Variants in TASP1 observed in about 807,000 individuals in gnomAD.
TASP1 encodes taspase 1.
A neutral mutation model predicts 56.6 loss-of-function variants in TASP1; 16 were observed. The observed-to-expected ratio is 0.28, with a 90% CI of 0.19 to 0.43. The LOEUF (loss-of-function observed/expected upper bound fraction) is 0.43. Among genes scored for constraint, TASP1 ranks in the 20% least tolerant of loss-of-function variants. The probability of loss-of-function intolerance (pLI) is 1.00; values close to 1 mark genes in which losing one functional copy is unlikely to be tolerated. For missense variants in TASP1, 393 were observed against 511.6 expected (o/e 0.77, Z 2.24); for synonymous variants, 179 against 184.2 (o/e 0.97, Z 0.23).
At chr20:13,395,215 G>A (rs1181594403) in intron 13 of TASP1, among the ~76,000 whole-genome samples, 5 of 152,190 alleles carry the variant, frequency 3.3e-5, no homozygotes, top group African/African-American at 1.2e-4. Context: ...GTATAGTGCT[G>A]CATTAATAAC....
the TASP1 span, among the ~76,000 whole-genome samples, chr20:13,140,447 G>A: frequency 7.9e-5 from 12 of 152,142 alleles, no homozygotes; most frequent in South Asian, 2.1e-4. Context: ...AACCAGGCAC[G>A]AGACTGAATT....
chr20:13,431,273 T>C (rs148683364), intron 12 of TASP1, among the ~76,000 whole-genome samples: 2 of 152,290 alleles, frequency 1.3e-5, no homozygotes, highest in African/African-American at 4.8e-5. Flanking sequence ...CATAAAGTCA[T>C]GGGAAGTCAT....
chr20:13,165,982 T>G, the TASP1 span: 2 of 152,494 alleles, frequency 1.3e-5, no homozygotes, highest in Non-Finnish European at 2.9e-5. Context: ...GCTCTCCTTC[T>G]CAACATGAAC....
intron 8 of TASP1, among the ~76,000 whole-genome samples, chr20:13,546,533 C>A (rs555241237): frequency 7.9e-5 from 12 of 152,288 alleles, no homozygotes; most frequent in African/African-American, 2.9e-4. Context: ...AGTCCCCTAG[C>A]CCCCCTGGAA....
chr20:13,169,976 AG>A, the TASP1 span, among the ~76,000 whole-genome samples: 1 of 152,226 alleles, frequency 6.6e-6, no homozygotes, highest in African/African-American at 2.4e-5. Flanking sequence ...AGGCATCAAA[AG>A]GAGTCAAATG....
intron 13 of TASP1, among the ~76,000 whole-genome samples, chr20:13,391,186 C>G (rs978837876): frequency 6.6e-6 from 1 of 152,090 alleles, no homozygotes; most frequent in Non-Finnish European, 1.5e-5. Context: ...GCCATTTCTC[C>G]TATAGTCTTT....
intron 1 of TASP1, among the ~76,000 whole-genome samples, chr20:13,631,510 T>G (rs6109983): frequency 0.49 from 73,899 of 152,018 alleles, 19,224 homozygotes; most frequent in African/African-American, 0.68. Flanking sequence ...TTGACAAAGT[T>G]GATTTAGTGG....
intron 13 of TASP1, among the ~76,000 whole-genome samples, chr20:13,407,407 T>G (rs2123693375): frequency 6.6e-6 from 1 of 152,374 alleles, no homozygotes; most frequent in Non-Finnish European, 1.5e-5. Flanking sequence ...ATATCTGCAC[T>G]TCATTCCTTT....
the TASP1 span, among the ~76,000 whole-genome samples, chr20:13,306,425 C>G: frequency 6.6e-6 from 1 of 152,198 alleles, no homozygotes; most frequent in Middle Eastern, 3.4e-3. Context: ...AATTTTTACA[C>G]CATTAGACAT....
At chr20:13,577,190 A>T (rs1211146807) in intron 6 of TASP1, among the ~76,000 whole-genome samples, 1 of 152,174 alleles carries the variant, frequency 6.6e-6, no homozygotes, top group Non-Finnish European at 1.5e-5. Flanking sequence ...AACTTTGGAA[A>T]GATTTTTTAA....
the TASP1 span, among the ~76,000 whole-genome samples, chr20:13,215,421 C>T: frequency 6.6e-6 from 1 of 152,148 alleles, no homozygotes; most frequent in Non-Finnish European, 1.5e-5. Flanking sequence ...TTTTGCTTTC[C>T]AGAATTTGCA....
the TASP1 span, among the ~76,000 whole-genome samples, chr20:13,275,854 C>A: frequency 1.3e-5 from 2 of 152,222 alleles, no homozygotes; most frequent in African/African-American, 4.8e-5. Flanking sequence ...AACACTACAT[C>A]TTCCTTGCTG....
At chr20:13,241,221 G>A in the TASP1 span, among the ~76,000 whole-genome samples, 1 of 152,150 alleles carries the variant, frequency 6.6e-6, no homozygotes, top group African/African-American at 2.4e-5. Flanking sequence ...ACAGACTCCA[G>A]TGTCTATTGG....
intron 7 of TASP1, among the ~76,000 whole-genome samples, chr20:13,560,673 G>C (rs1284695494): frequency 6.6e-6 from 1 of 152,164 alleles, no homozygotes; most frequent in Non-Finnish European, 1.5e-5. Context: ...ATTCGAAAGA[G>C]GTGGGGAAAG....
In TASP1 at chr20:13,618,255, C is replaced by A. The variant is rs574087036; in HGVS notation, c.282+5191G>T. Among the ~76,000 whole-genome samples the A allele has an allele frequency of 2.0e-5, 3 of 151,620 alleles. No individual in the cohort carries two copies. In the East Asian group the frequency reaches 5.8e-4, roughly 29 times the overall value. On this transcript the variant is annotated intron_variant, in intron 4 of 13. Coordinates refer to ENST00000337743, the MANE Select transcript of TASP1 (RefSeq NM_017714.3). ...CAAAACCCCATCTCTACTAAAAACA[C>A]AAAAAAAATTAGCCAGGTGTGGTGG...
At chr20:13,124,571 G>A in the TASP1 span, among the ~76,000 whole-genome samples, 6 of 152,238 alleles carry the variant, frequency 3.9e-5, no homozygotes, top group African/African-American at 1.2e-4. Context: ...AGAAGGACGG[G>A]TGAAAGGGGG....
chr20:13,362,684 G>A, the TASP1 span, among the ~76,000 whole-genome samples: 1,356 of 151,586 alleles, frequency 8.9e-3, 22 homozygotes, highest in African/African-American at 0.031. Flanking sequence ...ACATGGACGC[G>A]CATGAAAGAA....
chr20:13,576,147 A>G (rs2046897510), intron 6 of TASP1, among the ~76,000 whole-genome samples: 1 of 141,202 alleles, frequency 7.1e-6, no homozygotes, highest in Non-Finnish European at 1.5e-5. Context: ...GACTGCAGCG[A>G]GCCGAGATCA....
At chr20:13,485,653 T>A (rs976590501) in intron 10 of TASP1, among the ~76,000 whole-genome samples, 4 of 152,166 alleles carry the variant, frequency 2.6e-5, no homozygotes, top group Non-Finnish European at 2.9e-5. Flanking sequence ...TTCAGTAAAT[T>A]TTTGCAATAT....
Sources: allele counts gnomAD v4.1 joint callset (sites outside exome capture counted in the v4.1 genomes callset), GRCh38; gene constraint gnomAD v4.1.1; transcripts MANE v1.5; gene names NCBI Gene and HGNC (gene_info 2026-07-23, HGNC 2026-07-21).